ZNF385B: variants seen among roughly 807,000 people sequenced by gnomAD.
ZNF385B encodes zinc finger protein 533.
ZNF385B carries 23 observed loss-of-function variants against 39.2 expected under a neutral mutation model. That is an observed-to-expected ratio of 0.59 (90% CI 0.42 to 0.83). ZNF385B has a LOEUF of 0.83. ZNF385B is among the 40% of genes least tolerant of loss of function. ZNF385B has a pLI of 0.00. For missense variants in ZNF385B, 552 were observed against 598.9 expected (o/e 0.92, Z 0.82); for synonymous variants, 205 against 222.6 (o/e 0.92, Z 0.70).
chr2:179,546,377 C>T (rs965021950), intron 3 of ZNF385B, among the ~76,000 whole-genome samples: 1 of 152,134 alleles, frequency 6.6e-6, no homozygotes, highest in Non-Finnish European at 1.5e-5. Context: ...TCTCACTCCC[C>T]TGCCCTCTTC....
At chr2:179,755,235 A>T (rs549083156) in intron 3 of ZNF385B, among the ~76,000 whole-genome samples, 211 of 152,254 alleles carry the variant, frequency 1.4e-3, no homozygotes, top group African/African-American at 4.8e-3. Context: ...CATGTAGTTG[A>T]GTAGTTTTGA....
intron 3 of ZNF385B, among the ~76,000 whole-genome samples, chr2:179,636,479 T>C (rs1292271278): frequency 6.6e-6 from 1 of 152,272 alleles, no homozygotes; most frequent in Non-Finnish European, 1.5e-5. Flanking sequence ...AAAAGTGAGA[T>C]GAAGGAAAAG....
At chr2:179,616,046 AGG>A (rs1278805775) in intron 3 of ZNF385B, among the ~76,000 whole-genome samples, 2 of 152,234 alleles carry the variant, frequency 1.3e-5, no homozygotes, top group Non-Finnish European at 2.9e-5. Context: ...TGATAAATTG[AGG>A]AGTTTATATG....
chr2:179,851,865 A>T (rs1415583785), intron 1 of ZNF385B, among the ~76,000 whole-genome samples: 1 of 152,256 alleles, frequency 6.6e-6, no homozygotes, highest in Admixed American at 6.5e-5. Flanking sequence ...TTAATAATTC[A>T]GAAATGTGAT....
At chr2:179,835,511 G>C (rs554848114) in intron 1 of ZNF385B, among the ~76,000 whole-genome samples, 112 of 152,184 alleles carry the variant, frequency 7.4e-4, no homozygotes, top group African/African-American at 2.4e-3. Flanking sequence ...CTGGTGGTGG[G>C]GGGGCCAGGA....
intron 1 of ZNF385B, among the ~76,000 whole-genome samples, chr2:179,831,267 A>G (rs1345037178): frequency 6.6e-6 from 1 of 152,194 alleles, no homozygotes; most frequent in Admixed American, 6.5e-5. Flanking sequence ...TTTATACACT[A>G]ATTTAATTCT....
chr2:179,514,854 C>T (rs1387880453), intron 5 of ZNF385B, among the ~76,000 whole-genome samples: 1 of 151,362 alleles, frequency 6.6e-6, no homozygotes, highest in East Asian at 1.9e-4. Context: ...TCTCAGCTCA[C>T]TGCAACCTCT....
At chr2:179,721,852 C>A (rs1168949606) in intron 3 of ZNF385B, among the ~76,000 whole-genome samples, 1 of 151,516 alleles carries the variant, frequency 6.6e-6, no homozygotes, top group Non-Finnish European at 1.5e-5. Context: ...AAGGTTGTGG[C>A]CAGTGGAATA....
chr2:179,476,375 GA>G (rs937175173), intron 6 of ZNF385B, among the ~76,000 whole-genome samples: 19 of 152,080 alleles, frequency 1.2e-4, no homozygotes, highest in African/African-American at 4.3e-4. Context: ...GAATGAGGGT[GA>G]AAAAAGTTTT....
intron 3 of ZNF385B, among the ~76,000 whole-genome samples, chr2:179,638,032 A>C (rs904799500): frequency 6.6e-6 from 1 of 152,198 alleles, no homozygotes; most frequent in Non-Finnish European, 1.5e-5. Context: ...CTGCATATTC[A>C]AAACAGATTA....
intron 1 of ZNF385B, among the ~76,000 whole-genome samples, chr2:179,824,864 T>C (rs1189231443): frequency 1.3e-5 from 2 of 151,792 alleles, no homozygotes; most frequent in Non-Finnish European, 2.9e-5. Flanking sequence ...TGCTCTTATG[T>C]GGGTAGTCTG....
At chr2:179,769,838 G>T (rs1486365805) in intron 2 of ZNF385B, 36 bp from the exon 3 acceptor site, 4 of 1,519,864 alleles carry the variant, frequency 2.6e-6, no homozygotes, top group East Asian at 4.5e-5. Context: ...CTTCTGAAAT[G>T]ATATATGCCT....
intron 6 of ZNF385B, among the ~76,000 whole-genome samples, chr2:179,466,745 A>T (rs2052062790): frequency 6.6e-6 from 1 of 151,384 alleles, no homozygotes; most frequent in Admixed American, 6.6e-5. Context: ...ACGTGATGCA[A>T]CTCTGTTTCT....
chr2:179,856,435 A>G (rs1684602965), intron 1 of ZNF385B, among the ~76,000 whole-genome samples: 1 of 152,076 alleles, frequency 6.6e-6, no homozygotes, highest in Admixed American at 6.6e-5. Context: ...TCTACAAGTG[A>G]TACAGGAGCC....
At chr2:179,571,699 T>C (rs965649461) in intron 3 of ZNF385B, among the ~76,000 whole-genome samples, 15 of 152,196 alleles carry the variant, frequency 9.9e-5, no homozygotes, top group African/African-American at 3.1e-4. Context: ...GTTTCTCAAA[T>C]ACAATATTAG....
intron 3 of ZNF385B, among the ~76,000 whole-genome samples, chr2:179,641,548 T>G (rs1692268561): frequency 6.6e-6 from 1 of 152,098 alleles, no homozygotes; most frequent in Non-Finnish European, 1.5e-5. Context: ...CTCTTGGAAA[T>G]TACCATTTTA....
intron 3 of ZNF385B, among the ~76,000 whole-genome samples, chr2:179,598,499 T>G (rs900926770): frequency 6.6e-6 from 1 of 152,168 alleles, no homozygotes; most frequent in Non-Finnish European, 1.5e-5. Context: ...TGTTACAGAC[T>G]TTTTTTGATG....
At chr2:179,593,890 C>A (rs940341874) in intron 3 of ZNF385B, among the ~76,000 whole-genome samples, 2 of 152,150 alleles carry the variant, frequency 1.3e-5, no homozygotes, top group Non-Finnish European at 2.9e-5. Context: ...ATAGCCATCC[C>A]CCTTCATAAT....
At chr2:179,575,898 C>T in intron 3 of ZNF385B, among the ~76,000 whole-genome samples, 1 of 151,946 alleles carries the variant, frequency 6.6e-6, no homozygotes, top group African/African-American at 2.4e-5. Flanking sequence ...ACAAGATTTT[C>T]ATTAAAAATC....
Sources: allele counts gnomAD v4.1 joint callset (sites outside exome capture counted in the v4.1 genomes callset), GRCh38; gene constraint gnomAD v4.1.1; transcripts MANE v1.5; gene names NCBI Gene and HGNC (gene_info 2026-07-23, HGNC 2026-07-21).